SLC25A43: variants seen among roughly 807,000 people sequenced by gnomAD.
The protein encoded by SLC25A43 is solute carrier family 25, member 43.
In SLC25A43, 10 loss-of-function variants were observed where a neutral mutation model predicts 22.8. The ratio of observed to expected loss-of-function variants is 0.44; its 90% CI spans 0.27 to 0.74. The LOEUF (loss-of-function observed/expected upper bound fraction) is 0.74. Ranked by LOEUF, SLC25A43 falls within the 30% of genes least tolerant of loss-of-function variation. The pLI, the probability that SLC25A43 is intolerant of heterozygous loss-of-function variation, is 0.17. For missense variants in SLC25A43, 233 were observed against 279.1 expected, an observed-to-expected ratio of 0.83 and a Z score of 1.18; for synonymous variants, 106 against 121.6, an observed-to-expected ratio of 0.87 and a Z score of 0.84.
intron 3 of SLC25A43, among the ~76,000 whole-genome samples, chrX:119,441,439 C>T (rs2052621903): frequency 9.3e-6 from 1 of 107,591 alleles, no homozygotes; most frequent in East Asian, 3.0e-4. Context: ...CTGCGTCGCT[C>T]ACGCTGGGAG....
intron 3 of SLC25A43, among the ~76,000 whole-genome samples, chrX:119,427,738 C>T (rs2052520175): frequency 8.9e-6 from 1 of 112,325 alleles, no homozygotes. Context: ...CTGTCCTCCA[C>T]ATCCACAGAA....
At chrX:119,413,046 G>A in intron 3 of SLC25A43, among the ~76,000 whole-genome samples, 1 of 109,749 alleles carries the variant, frequency 9.1e-6, no homozygotes, top group Non-Finnish European at 1.9e-5. Flanking sequence ...TTGGGCCCAA[G>A]AGGTCGAGGT....
At chrX:119,442,956 C>T (rs926754784) in intron 3 of SLC25A43, among the ~76,000 whole-genome samples, 2 of 110,868 alleles carry the variant, frequency 1.8e-5, no homozygotes, top group South Asian at 3.8e-4. Context: ...ACTAGAGATA[C>T]GAAAATTAAA....
intron 3 of SLC25A43, chrX:119,451,761 C>A: frequency 1.1e-6 from 1 of 935,679 alleles, no homozygotes; most frequent in African/African-American, 2.0e-5. Flanking sequence ...TGAATCTGTC[C>A]CAAATGTCTG....
At chrX:119,418,932 C>T (rs1416129438) in intron 3 of SLC25A43, among the ~76,000 whole-genome samples, 1 of 112,354 alleles carries the variant, frequency 8.9e-6, no homozygotes, top group African/African-American at 3.2e-5. Context: ...TAGCCCAGGG[C>T]CTGGGCCAGA....
At chrX:119,443,652 G>T (rs1466097190) in intron 3 of SLC25A43, among the ~76,000 whole-genome samples, 1 of 110,465 alleles carries the variant, frequency 9.1e-6, no homozygotes, top group Non-Finnish European at 1.9e-5. Flanking sequence ...ATCTGTGTTT[G>T]CTTGTCACTG....
chrX:119,401,610 C>T (rs1227770245), intron 1 of SLC25A43, among the ~76,000 whole-genome samples: 1 of 108,916 alleles, frequency 9.2e-6, no homozygotes, highest in Admixed American at 1.0e-4. Flanking sequence ...GGTGGGAAGG[C>T]AAGCAGCACA....
chrX:119,449,054 C>T (rs1179619224), intron 3 of SLC25A43, among the ~76,000 whole-genome samples: 3 of 110,713 alleles, frequency 2.7e-5, no homozygotes, highest in Non-Finnish European at 5.7e-5. Context: ...ATCCTATAGG[C>T]GGTAAAATGT....
chrX:119,404,678 G>A (rs1212064612), intron 1 of SLC25A43, among the ~76,000 whole-genome samples: 1 of 111,911 alleles, frequency 8.9e-6, no homozygotes, highest in Non-Finnish European at 1.9e-5. Flanking sequence ...AGGCCTGTCT[G>A]TTCAGACTTT....
Position 119,422,124 on chromosome X carries a change from A to T in SLC25A43, c.690+11762A>T, listed in dbSNP as rs144657390. 3.2e-4 allele frequency among the ~76,000 whole-genome samples: 36 copies of T among 111,754 alleles called. 1 individual carries two copies. The highest frequency in any genetic ancestry group is 9.4e-4 in the African/African-American group (29 of 30,726). On this transcript the variant is annotated intron_variant, in intron 3 of 4. Coordinates refer to ENST00000217909, the MANE Select transcript of SLC25A43 (RefSeq NM_145305.3). ...GAGATGGGGTTTCACCATGTTGCCC[A>T]GGCTGGTCTCGAACTCCTGACCTCT...
intron 3 of SLC25A43, among the ~76,000 whole-genome samples, chrX:119,448,761 C>T (rs2052685076): frequency 2.7e-5 from 3 of 112,220 alleles, no homozygotes; most frequent in African/African-American, 6.5e-5. Context: ...GTGTAATTTA[C>T]TTATTTATTT....
intron 3 of SLC25A43, among the ~76,000 whole-genome samples, chrX:119,429,740 CTG>C (rs2052537307): frequency 8.9e-6 from 1 of 111,733 alleles, no homozygotes; most frequent in Non-Finnish European, 1.9e-5. Context: ...CACAGGGTGA[CTG>C]AAAGTGTTCA....
At chrX:119,451,271 C>T (rs191400627) in intron 3 of SLC25A43, among the ~76,000 whole-genome samples, 166 of 111,806 alleles carry the variant, frequency 1.5e-3, no homozygotes, top group African/African-American at 5.1e-3. Context: ...ATGATGTCCA[C>T]GGGGTGGCCA....
intron 1 of SLC25A43, among the ~76,000 whole-genome samples, chrX:119,406,007 G>A (rs1603294097): frequency 9.0e-6 from 1 of 111,320 alleles, no homozygotes; most frequent in East Asian, 2.8e-4. Context: ...ACTCCAGCCT[G>A]GCCAACAAAG....
intron 3 of SLC25A43, chrX:119,434,494 A>G (rs1242925081): frequency 9.3e-6 from 1 of 107,137 alleles, no homozygotes; most frequent in Non-Finnish European, 1.9e-5. Context: ...AGAGTGACCC[A>G]AGATAAAGTT....
At chrX:119,411,328 C>G (rs2052348014) in intron 3 of SLC25A43, among the ~76,000 whole-genome samples, 1 of 110,930 alleles carries the variant, frequency 9.0e-6, no homozygotes, top group Admixed American at 9.6e-5. Flanking sequence ...TGGAGAAACC[C>G]TGTCTCTACT....
intron 3 of SLC25A43, among the ~76,000 whole-genome samples, chrX:119,447,430 C>G (rs760607959): frequency 4.1e-4 from 46 of 111,086 alleles, no homozygotes; most frequent in African/African-American, 1.4e-3. Flanking sequence ...CTCAGCCCCC[C>G]CAAGTAACTG....
intron 3 of SLC25A43, among the ~76,000 whole-genome samples, chrX:119,429,769 G>A (rs1027554962): frequency 8.9e-6 from 1 of 111,808 alleles, no homozygotes; most frequent in African/African-American, 3.3e-5. Context: ...TCCTGACTTC[G>A]TGTGGAGGTC....
At chrX:119,412,202 A>G (rs2052356075) in intron 3 of SLC25A43, among the ~76,000 whole-genome samples, 1 of 111,958 alleles carries the variant, frequency 8.9e-6, no homozygotes, top group South Asian at 3.7e-4. Flanking sequence ...CTGAAACTTC[A>G]TCTGTCTGGG....
Sources: gnomAD v4.1 joint callset for allele counts (sites outside exome capture counted in the v4.1 genomes callset) on GRCh38, gnomAD v4.1.1 for gene constraint, MANE v1.5 for transcripts, NCBI Gene and HGNC (gene_info 2026-07-23, HGNC 2026-07-21) for gene names.